Variants in STON2 observed in about 807,000 individuals in gnomAD.
STON2 encodes stonin 2.
In STON2, 29 loss-of-function variants were observed where a neutral mutation model predicts 65.7. The observed-to-expected ratio is 0.44, with a 90% CI of 0.33 to 0.60. STON2 has a LOEUF of 0.60. Among genes scored for constraint, STON2 ranks in the 20% least tolerant of loss-of-function variants. The pLI is 0.03. For synonymous variants in STON2, 404 were observed against 414.2 expected (o/e 0.98, Z 0.30); for missense variants, 1,054 against 1,118.1 (o/e 0.94, Z 0.82).
chr14:81,375,562 G>A (rs184997198), intron 3 of STON2, among the ~76,000 whole-genome samples: 1 of 151,890 alleles, frequency 6.6e-6, no homozygotes. Context: ...AGAACTGTAA[G>A]AAAGTAAGAA....
chr14:81,295,959 C>T (rs190867391), intron 5 of STON2, among the ~76,000 whole-genome samples: 10 of 152,328 alleles, frequency 6.6e-5, no homozygotes, highest in Admixed American at 4.6e-4. Context: ...AGCAGTCTTA[C>T]TCTATGTACA....
Position 81,261,960 on chromosome 14 carries a change from AAAGAG to A in STON2, c.*6449_*6453del. ...GGGAAATGATAAAAAAAAAAAAAAA[AAAGAG>A]AGAGATGTGAAAAGGAAAAAGATGG... On this transcript the variant is annotated 3_prime_UTR_variant, in exon 8 of 8. Transcript: ENST00000614646. 13 of 1,435,906 alleles carry A rather than the reference AAAGAG, an allele frequency of 9.1e-6. No homozygotes were observed. The highest frequency in any genetic ancestry group is 2.9e-5 in the African/African-American group (2 of 69,238). 88.9% of individuals were successfully genotyped at this position (1,435,906 alleles called of 1,614,324 possible). A position where few individuals can be genotyped will look rare whatever the true frequency, so the allele number is the denominator to read the frequency against.
chr14:81,422,040 C>G (rs12586522), intron 2 of STON2, among the ~76,000 whole-genome samples: 2,871 of 152,286 alleles, frequency 0.019, 109 homozygotes, highest in East Asian at 0.17. Context: ...TATCTTGTCA[C>G]CATCATGAGG....
At chr14:81,391,039 A>G (rs2140423876) in intron 3 of STON2, among the ~76,000 whole-genome samples, 1 of 152,292 alleles carries the variant, frequency 6.6e-6, no homozygotes, top group African/African-American at 2.4e-5. Context: ...CCACTTTCAT[A>G]AGGATGCATG....
Position 81,266,253 on chromosome 14 carries a change from T to C in STON2, c.*2161A>G, listed in dbSNP as rs1352343641. 7.8e-6 allele frequency: 2 copies of C among 257,508 alleles called. No homozygotes were observed. The highest frequency in any genetic ancestry group is 4.6e-5 in the African/African-American group (2 of 43,352). The allele number at this position is 257,508 out of a possible 1,614,324, so 16.0% of individuals were successfully genotyped here. On this transcript the variant is annotated 3_prime_UTR_variant, in exon 8 of 8. Transcript: ENST00000614646. ...GGGCATTCACAGGAACAGGAAATCT[T>C]ACTAACTTGAGTCTATTCCTCTTTA...
intron 5 of STON2, among the ~76,000 whole-genome samples, chr14:81,318,657 C>A (rs1363988419): frequency 6.6e-6 from 1 of 152,134 alleles, no homozygotes. Flanking sequence ...TTGAGACCAG[C>A]CTGGTCAACA....
chr14:81,290,520 CCT>C (rs1317549391), intron 5 of STON2, among the ~76,000 whole-genome samples: 1 of 152,112 alleles, frequency 6.6e-6, no homozygotes, highest in African/African-American at 2.4e-5. Flanking sequence ...CTGTTTGTTA[CCT>C]TTGTTGTGCT....
chr14:81,314,124 T>C (rs188605276), intron 5 of STON2, among the ~76,000 whole-genome samples: 11 of 152,368 alleles, frequency 7.2e-5, no homozygotes, highest in African/African-American at 2.6e-4. Context: ...GGAAGAGATG[T>C]AAGACAAATC....
At chr14:81,316,928 G>A (rs184911720) in intron 5 of STON2, among the ~76,000 whole-genome samples, 12 of 152,312 alleles carry the variant, frequency 7.9e-5, no homozygotes, top group African/African-American at 2.6e-4. Flanking sequence ...GCTGAGGCAG[G>A]AGAATGGCGT....
intron 3 of STON2, among the ~76,000 whole-genome samples, chr14:81,378,495 C>T (rs1481620688): frequency 6.6e-6 from 1 of 152,202 alleles, no homozygotes; most frequent in Non-Finnish European, 1.5e-5. Flanking sequence ...GGATTACAAG[C>T]ATGAGCCACT....
rs1258791166 is a variant in STON2 at position 81,268,505 on chromosome 14, G to A, written c.2785-8C>T. 6 of 1,289,288 alleles carry A rather than the reference G, an allele frequency of 4.7e-6. No individual in the cohort carries two copies. In the African/African-American group the frequency reaches 9.1e-5, roughly 20 times the overall value. 79.9% of individuals were successfully genotyped at this position (1,289,288 alleles called of 1,614,324 possible). A position where few individuals can be genotyped will look rare whatever the true frequency, so the allele number is the denominator to read the frequency against. On this transcript the variant is annotated splice_polypyrimidine_tract_variant and splice_region_variant and intron_variant, in intron 7 of 7. Transcript: ENST00000614646. ...TTTTTGCTCAATTTCCACCTGCCAAGAATAGAAGTTGGAGATAAAGATCAA... is the reference window on the plus strand; with the variant it reads ...TTTTTGCTCAATTTCCACCTGCCAAAAATAGAAGTTGGAGATAAAGATCAA...
intron 6 of STON2, among the ~76,000 whole-genome samples, chr14:81,275,581 C>A (rs1351516264): frequency 2.6e-5 from 4 of 152,100 alleles, no homozygotes; most frequent in Admixed American, 2.6e-4. Flanking sequence ...GAAGACAGTG[C>A]TGATTTCAGG....
intron 5 of STON2, chr14:81,323,750 T>A (rs1175595704): frequency 6.6e-6 from 1 of 152,140 alleles, no homozygotes; most frequent in African/African-American, 2.4e-5. Flanking sequence ...TTTTGTTTTG[T>A]TTTTCTACAG....
intron 3 of STON2, among the ~76,000 whole-genome samples, chr14:81,384,574 G>T (rs984091120): frequency 6.6e-6 from 1 of 152,096 alleles, no homozygotes; most frequent in Non-Finnish European, 1.5e-5. Context: ...TGTGTTTCTG[G>T]TATGAACCCC....
chr14:81,349,277 G>T (rs1897934887), intron 4 of STON2, among the ~76,000 whole-genome samples: 1 of 152,024 alleles, frequency 6.6e-6, no homozygotes, highest in African/African-American at 2.4e-5. Context: ...CACAGTAAAG[G>T]AAATAATAAT....
At chr14:81,425,509 T>C (rs566347171) in intron 2 of STON2, among the ~76,000 whole-genome samples, 2 of 152,058 alleles carry the variant, frequency 1.3e-5, no homozygotes, top group Admixed American at 6.6e-5. Context: ...GAGGCAGAGA[T>C]TGCAGTGAGC....
intron 5 of STON2, among the ~76,000 whole-genome samples, chr14:81,305,993 A>C (rs750670163): frequency 4.6e-5 from 7 of 152,014 alleles, no homozygotes; most frequent in Non-Finnish European, 8.8e-5. Flanking sequence ...CCAGCGACCC[A>C]AGAGCTGATC....
intron 5 of STON2, among the ~76,000 whole-genome samples, chr14:81,294,953 TCAAGGTTC>T (rs1895701627): frequency 6.6e-6 from 1 of 152,194 alleles, no homozygotes; most frequent in Admixed American, 6.5e-5. Flanking sequence ...TTGAGGTAAT[TCAAGGTTC>T]CAAATCAATC....
intron 2 of STON2, among the ~76,000 whole-genome samples, chr14:81,420,596 G>GA (rs1901657421): frequency 6.6e-6 from 1 of 152,166 alleles, no homozygotes; most frequent in Non-Finnish European, 1.5e-5. Flanking sequence ...GTAGCAGTGC[G>GA]ATGGGTGCAT....
Sources: gnomAD v4.1 joint callset for allele counts (sites outside exome capture counted in the v4.1 genomes callset) on GRCh38, gnomAD v4.1.1 for gene constraint, MANE v1.5 for transcripts, NCBI Gene and HGNC (gene_info 2026-07-23, HGNC 2026-07-21) for gene names.